Variants in KIAA0825 observed in about 807,000 individuals in gnomAD.
The protein encoded by KIAA0825 is uncharacterized protein KIAA0825.
Under a neutral mutation model 147.6 loss-of-function variants are expected in KIAA0825, and 119 were observed. The observed-to-expected ratio is 0.81, with a 90% CI of 0.69 to 0.94. The LOEUF (loss-of-function observed/expected upper bound fraction) is 0.94. Among genes scored for constraint, KIAA0825 ranks in the 40% least tolerant of loss-of-function variants. The pLI, the probability that KIAA0825 is intolerant of heterozygous loss-of-function variation, is 0.00. For synonymous variants in KIAA0825, 470 were observed against 518.1 expected (o/e 0.91, Z 1.26); for missense variants, 1,381 against 1,472.7 (o/e 0.94, Z 1.02).
At chr5:94,212,249 G>A (rs1772775588) in intron 20 of KIAA0825, among the ~76,000 whole-genome samples, 1 of 152,058 alleles carries the variant, frequency 6.6e-6, no homozygotes, top group Non-Finnish European at 1.5e-5. Flanking sequence ...TAAGCAAAAC[G>A]ATCGAATTCT....
chr5:94,276,563 A>G (rs1444062178), intron 20 of KIAA0825, among the ~76,000 whole-genome samples: 1 of 152,124 alleles, frequency 6.6e-6, no homozygotes, highest in Non-Finnish European at 1.5e-5. Flanking sequence ...TACCAAAAAA[A>G]TCCCCAAAAG....
intron 5 of KIAA0825, among the ~76,000 whole-genome samples, chr5:94,512,600 A>C (rs1377988141): frequency 6.6e-6 from 1 of 151,720 alleles, no homozygotes; most frequent in East Asian, 1.9e-4. Context: ...TGTCTTAAAA[A>C]AAAAAAAAAA....
rs1009461895 is a variant in KIAA0825 at position 94,618,511 on chromosome 5, C to T, written c.-164G>A. 4 of 153,102 alleles carry T rather than the reference C, an allele frequency of 2.6e-5. No individual in the cohort carries two copies. Among genetic ancestry groups the T allele is most frequent in the African/African-American group, 7.2e-5 (3 of 41,576 alleles). 9.5% of individuals were successfully genotyped at this position (153,102 alleles called of 1,614,324 possible). Reference sequence around the variant, plus strand: ...GTAAAATCACTTACCAGTCTTCCACCTCCGGTGCTGATCTAGCAAGAGCCT... The same window carrying T: ...GTAAAATCACTTACCAGTCTTCCACTTCCGGTGCTGATCTAGCAAGAGCCT... On this transcript the variant is annotated 5_prime_UTR_variant, in exon 1 of 21. Transcript: ENST00000682413.
chr5:94,527,779 A>G (rs1002727397), intron 3 of KIAA0825, among the ~76,000 whole-genome samples: 1 of 152,006 alleles, frequency 6.6e-6, no homozygotes, highest in Non-Finnish European at 1.5e-5. Flanking sequence ...GTGAGGTAAT[A>G]GATTTTCTAG....
chr5:94,593,168 C>A, intron 1 of KIAA0825: 1 of 748,404 alleles, frequency 1.3e-6, no homozygotes. Context: ...GCCCACGATC[C>A]GCTAGTTGAA....
At chr5:94,612,948 T>C (rs1040907633) in intron 1 of KIAA0825, among the ~76,000 whole-genome samples, 3 of 152,234 alleles carry the variant, frequency 2.0e-5, no homozygotes, top group Non-Finnish European at 4.4e-5. Flanking sequence ...CCTAGTAAAG[T>C]TGATAGTATT....
intron 1 of KIAA0825, 38 bp downstream of exon 1, chr5:94,618,462 A>G (rs1432204807): frequency 1.3e-5 from 2 of 152,702 alleles, no homozygotes; most frequent in African/African-American, 4.8e-5. Context: ...CCAGCCATTA[A>G]TATCAGGCGC....
intron 5 of KIAA0825, among the ~76,000 whole-genome samples, chr5:94,508,158 T>C (rs1006217597): frequency 6.6e-6 from 1 of 152,016 alleles, no homozygotes; most frequent in Non-Finnish European, 1.5e-5. Flanking sequence ...TAACTGTATG[T>C]TTAAAATAAT....
At chr5:94,185,020 A>G (rs1212290644) in intron 20 of KIAA0825, among the ~76,000 whole-genome samples, 1 of 152,306 alleles carries the variant, frequency 6.6e-6, no homozygotes, top group Non-Finnish European at 1.5e-5. Context: ...AGACTTACCA[A>G]TCTGATAGCT....
chr5:94,223,355 C>G (rs1773835802), intron 20 of KIAA0825, among the ~76,000 whole-genome samples: 1 of 152,132 alleles, frequency 6.6e-6, no homozygotes, highest in Non-Finnish European at 1.5e-5. Flanking sequence ...TCCTGGGTCC[C>G]ATATCTGGGC....
chr5:94,477,317 A>C (rs1762005818), intron 6 of KIAA0825, 112 bp from the exon 7 acceptor site: 1 of 659,724 alleles, frequency 1.5e-6, no homozygotes, highest in Non-Finnish European at 2.6e-6. Flanking sequence ...TTCTATCCAC[A>C]GTACATACAT....
At chr5:94,592,124 A>G (rs928151051) in intron 1 of KIAA0825, among the ~76,000 whole-genome samples, 2 of 152,200 alleles carry the variant, frequency 1.3e-5, no homozygotes, top group Non-Finnish European at 2.9e-5. Context: ...GCCTCTCAAC[A>G]GTTTCCCAAA....
chr5:94,393,448 G>T (rs1349855444), intron 17 of KIAA0825, among the ~76,000 whole-genome samples: 1 of 152,184 alleles, frequency 6.6e-6, no homozygotes, highest in Admixed American at 6.5e-5. Flanking sequence ...AATGCTTTCA[G>T]GCAGTATGCA....
At chr5:94,592,872 T>C in intron 1 of KIAA0825, 1 of 590,668 alleles carries the variant, frequency 1.7e-6, no homozygotes, top group Non-Finnish European at 3.2e-6. Flanking sequence ...GACTCATCAG[T>C]TGTGAACCAC....
chr5:94,192,770 C>T (rs895600688), intron 20 of KIAA0825, among the ~76,000 whole-genome samples: 4 of 152,138 alleles, frequency 2.6e-5, no homozygotes, highest in South Asian at 4.1e-4. Context: ...CTAGCCACAG[C>T]GGTTATTTCC....
intron 20 of KIAA0825, among the ~76,000 whole-genome samples, chr5:94,166,876 T>C (rs765102239): frequency 2.2e-4 from 33 of 152,088 alleles, no homozygotes; most frequent in Non-Finnish European, 3.8e-4. Flanking sequence ...TATGGTAAGA[T>C]TGGAAACTAT....
At chr5:94,285,861 C>T (rs1459991148) in intron 20 of KIAA0825, among the ~76,000 whole-genome samples, 2 of 152,076 alleles carry the variant, frequency 1.3e-5, no homozygotes, top group Admixed American at 6.6e-5. Context: ...CATACAGCCA[C>T]GGCCAGGAAA....
At chr5:94,474,672 A>G (rs1312469835) in intron 7 of KIAA0825, among the ~76,000 whole-genome samples, 2 of 152,204 alleles carry the variant, frequency 1.3e-5, no homozygotes, top group African/African-American at 2.4e-5. Context: ...ATATGATTCC[A>G]TGACTCTATA....
At chr5:94,212,374 C>T (rs1772791249) in intron 20 of KIAA0825, among the ~76,000 whole-genome samples, 1 of 152,148 alleles carries the variant, frequency 6.6e-6, no homozygotes, top group Non-Finnish European at 1.5e-5. Context: ...TACACAGCCA[C>T]TGTATCAAGG....
Sources: gnomAD v4.1 joint callset for allele counts (sites outside exome capture counted in the v4.1 genomes callset) on GRCh38, gnomAD v4.1.1 for gene constraint, MANE v1.5 for transcripts, NCBI Gene and HGNC (gene_info 2026-07-23, HGNC 2026-07-21) for gene names.